The following ADAMTSL4 variants were observed in gnomAD, a reference collection of about 807,000 sequenced individuals.
The protein encoded by ADAMTSL4 is ADAMTS-like protein 4.
In ADAMTSL4, 97 loss-of-function variants were observed where a neutral mutation model predicts 122.8. The observed-to-expected ratio is 0.79, with a 90% CI of 0.67 to 0.93. The LOEUF is 0.93. ADAMTSL4 is among the 40% of genes least tolerant of loss of function. The pLI, the probability that ADAMTSL4 is intolerant of heterozygous loss-of-function variation, is 0.00. For missense variants in ADAMTSL4, 1,408 were observed against 1,453.5 expected (o/e 0.97, Z 0.51); for synonymous variants, 592 against 568.0 (o/e 1.04, Z -0.60).
chr1:150,554,270 G>T lies in ADAMTSL4; in HGVS notation c.1132-95G>T. 1 of 1,454,366 alleles carries T rather than the reference G, an allele frequency of 6.9e-7. No individual in the cohort carries two copies. 90.1% of individuals were successfully genotyped at this position (1,454,366 alleles called of 1,614,324 possible). A position where few individuals can be genotyped will look rare whatever the true frequency, so the allele number is the denominator to read the frequency against. On this transcript the variant is annotated intron_variant, in intron 6 of 18. Transcript: ENST00000271643. The surrounding 1 kb of genome is among the most constrained non-coding windows in gnomAD (Gnocchi z 4.0). ...AGGGCAGGGGTCTTGGAGCTCTTCCGCTGACCTGAGCCTCCCACCTGCTCC... is the reference window on the plus strand; with the variant it reads ...AGGGCAGGGGTCTTGGAGCTCTTCCTCTGACCTGAGCCTCCCACCTGCTCC...
chr1:150,558,215 T>G (rs1672403605), intron 14 of ADAMTSL4, 66 bp downstream of exon 14: 2 of 1,600,552 alleles, frequency 1.2e-6, no homozygotes, highest in African/African-American at 1.3e-5. Flanking sequence ...CAGCAGTGGT[T>G]TTTCAACTTC....
rs769517788 is a variant in ADAMTSL4, at chr1:150,559,495, T to G, written c.2943+29T>G. On this transcript the variant is annotated intron_variant, in intron 17 of 18. Transcript: ENST00000271643. The surrounding 1 kb of genome is among the most constrained non-coding windows in gnomAD (Gnocchi z 4.1). ...AGTGTCTGGCTGCGCTGTCCTGCCC[T>G]GCTCAGCCTGGGCCCCTAGGGGAGG... 1.4e-5 allele frequency: 23 copies of G among 1,611,514 alleles called. No individual in the cohort carries two copies. The highest frequency in any genetic ancestry group is 1.8e-5 in the Non-Finnish European group (21 of 1,179,650).
rs775230680 is a variant in ADAMTSL4, at chr1:150,556,244, G to A, written c.1454G>A (p.Arg485His). The part of the protein sequence containing the change: ...GVCGGDDSTC[R>H]LVSGNLTDRG... Reference sequence around the variant, plus strand: ...TGTGGGGGTGATGATTCTACCTGTCGCCTTGTTTCGGGGAACCTCACTGAC... The same window carrying A: ...TGTGGGGGTGATGATTCTACCTGTCACCTTGTTTCGGGGAACCTCACTGAC... Residue 485 changes from arginine to histidine, a missense_variant, in exon 9 of 19, where the codon CGC becomes CAC. By Grantham distance (29) the Arg-to-His change is conservative. Coordinates refer to ENST00000271643, the MANE Select transcript of ADAMTSL4 (RefSeq NM_019032.6). This position sits in a 1 kb window ranked among gnomAD's most constrained non-coding sequence, Gnocchi z 4.1. The A allele has an allele frequency of 1.7e-5, 27 of 1,614,024 alleles. No individual in the cohort carries two copies. In the East Asian group the frequency reaches 2.2e-4, roughly 13 times the overall value.
intron 2 of ADAMTSL4, chr1:150,551,287 C>A: frequency 2.9e-6 from 1 of 343,030 alleles, no homozygotes; most frequent in Non-Finnish European, 5.8e-6. Flanking sequence ...ATGCTGGCAC[C>A]CAGAGTGGGT....
rs887288125 is a variant in ADAMTSL4 at position 150,560,295 on chromosome 1, C to T, written c.*99C>T. ...CTGGCTCTCCAGCCTGTCCCAGTCT[C>T]AGCAGGGATGTCCTCCAGGTGACAG... is the stretch of plus-strand genomic sequence containing the variant. On this transcript the variant is annotated 3_prime_UTR_variant, in exon 19 of 19. Transcript: ENST00000271643. 3 of 1,535,612 alleles carry T rather than the reference C, an allele frequency of 2.0e-6. No homozygotes were observed. Among genetic ancestry groups the T allele is most frequent in the Non-Finnish European group, 2.6e-6 (3 of 1,134,068 alleles).
chr1:150,559,204 A>T lies in ADAMTSL4; in HGVS notation c.2763+39A>T. 1.2e-6 allele frequency: 2 copies of T among 1,612,118 alleles called. No individual in the cohort carries two copies. The highest frequency in any genetic ancestry group is 1.7e-6 in the Non-Finnish European group (2 of 1,179,226). On this transcript the variant is annotated intron_variant, in intron 16 of 18. Transcript: ENST00000271643. The surrounding 1 kb of genome is among the most constrained non-coding windows in gnomAD (Gnocchi z 4.1). ...CTGCTGAGAGCAGGAAGGGGGTGCC[A>T]GTCCCAGTGGGATTCCTTGTGGGCA...
chr1:150,555,489 G>A lies in ADAMTSL4; in HGVS notation c.1295G>A (p.Arg432His), dbSNP rs770866492. The A allele has an allele frequency of 8.1e-6, 13 of 1,614,020 alleles. No homozygotes were observed. The highest frequency in any genetic ancestry group is 4.5e-5 in the East Asian group (2 of 44,892). ...CRPRGFRFYVRHTEKVQDGTL... is the reference protein window; with the variant it reads ...CRPRGFRFYVHHTEKVQDGTL... ...CCCCGTGGCTTCCGCTTCTATGTCC[G>A]TCACACTGAAAAGGTCCAGGATGGG... Residue 432 changes from arginine (R) to histidine (H), a missense_variant, in exon 8 of 19, where the codon CGT becomes CAT. Physicochemically the swap from Arg to His is conservative, Grantham distance 29. Transcript: ENST00000271643.
intron 8 of ADAMTSL4, 116 bp downstream of exon 8, chr1:150,555,681 A>C: frequency 6.9e-7 from 1 of 1,440,696 alleles, no homozygotes; most frequent in Admixed American, 2.1e-5. Context: ...ATGCAAGCAC[A>C]TACACACACG....
At position 150,560,617 on chromosome 1, in the gene ADAMTSL4, T is replaced by C; in HGVS notation, c.*421T>C. On this transcript the variant is annotated 3_prime_UTR_variant, in exon 19 of 19. Transcript: ENST00000271643. ...CCAGTTTTGTGCCCTAAGCCTCATT[T>C]CTCATGTTCAGACCTCACATCTTCT... 1 of 242,758 alleles carries C rather than the reference T, an allele frequency of 4.1e-6. No individual in the cohort carries two copies. The highest frequency in any genetic ancestry group is 8.3e-6 in the Non-Finnish European group (1 of 120,772). 15.0% of individuals were successfully genotyped at this position (242,758 alleles called of 1,614,324 possible).
At position 150,559,667 on chromosome 1, in the gene ADAMTSL4, C is replaced by T; in HGVS notation, c.2944-94C>T. 3 of 1,602,668 alleles carry T rather than the reference C, an allele frequency of 1.9e-6. No individual in the cohort carries two copies. Among genetic ancestry groups the T allele is most frequent in the Non-Finnish European group, 2.6e-6 (3 of 1,174,342 alleles). ...TTTCACAATGTCCTAGGAGGGTCCC[C>T]ACCACCACCTTTTGGGGAGAGAGGT... On this transcript the variant is annotated intron_variant, in intron 17 of 18. Coordinates refer to ENST00000271643, the MANE Select transcript of ADAMTSL4 (RefSeq NM_019032.6). The surrounding 1 kb of genome is among the most constrained non-coding windows in gnomAD (Gnocchi z 4.1).
chr1:150,558,974 T>TGTGGGAC lies in ADAMTSL4; in HGVS notation c.2574_2580dup (p.Gly861TrpfsTer41). 6.2e-7 allele frequency: 1 copy of TGTGGGAC among 1,609,042 alleles called. No individual in the cohort carries two copies. ...TCCTCCTCCGCAGTGCTCAGCCGAGTGTGGGACGGGAATCCAGCGGCGCTC... is the reference window on the plus strand; with the variant it reads ...TCCTCCTCCGCAGTGCTCAGCCGAGTGTGGGACGTGGGACGGGAATCCAGCGGCGCTC... On this transcript the variant is annotated frameshift_variant, in exon 16 of 19. Coordinates refer to ENST00000271643, the MANE Select transcript of ADAMTSL4 (RefSeq NM_019032.6). LOFTEE classifies it high-confidence loss of function.
In ADAMTSL4 at chr1:150,558,002, C is replaced by G; in HGVS notation, c.2235C>G (p.His745Gln). 3 of 1,612,248 alleles carry G rather than the reference C, an allele frequency of 1.9e-6. No homozygotes were observed. Among genetic ancestry groups the G allele is most frequent in the Middle Eastern group, 3.4e-4 (2 of 5,932 alleles). ...GCTCCTGTGGCCCCGGCACCCAGCA[C>G]CGCCAGCTGCAGTGCCGGCAGGAAT... ...CSRSCGPGTQ[H>Q]RQLQCRQEFG... Residue 745 changes from histidine to glutamine, a missense_variant, in exon 14 of 19, where the codon CAC becomes CAG. His to Gln is a conservative substitution (Grantham distance 24). Transcript: ENST00000271643.
At position 150,559,071 on chromosome 1, in the gene ADAMTSL4, G is replaced by A. The variant is rs1672519066; in HGVS notation, c.2669G>A (p.Ser890Asn). 6.2e-7 allele frequency: 1 copy of A among 1,612,616 alleles called. No individual in the cohort carries two copies. The highest frequency in any genetic ancestry group is 1.3e-5 in the African/African-American group (1 of 74,940). Reference protein sequence around the residue: ...QGEAGAGTGQSCPTGSRPPDM... With the variant: ...QGEAGAGTGQNCPTGSRPPDM... ...GAAGCAGGAGCAGGAACTGGGCAGA[G>A]CTGTCCAACAGGAAGCCGGCCCCCT... The change falls in exon 16 of 19, where the codon AGC becomes AAC. Residue 890 changes from serine (S) to asparagine (N), a missense_variant. Ser to Asn is a conservative substitution (Grantham distance 46). Transcript: ENST00000271643. This position sits in a 1 kb window ranked among gnomAD's most constrained non-coding sequence, Gnocchi z 4.1.
At position 150,560,521 on chromosome 1, in the gene ADAMTSL4, G is replaced by A; in HGVS notation, c.*325G>A. ...GACCTGTTTCCTTGAGACTTTCCTA[G>A]GTGGAAAGGAAAGCAAGTCTGCAGT... On this transcript the variant is annotated 3_prime_UTR_variant, in exon 19 of 19. Coordinates refer to ENST00000271643, the MANE Select transcript of ADAMTSL4 (RefSeq NM_019032.6). The A allele has an allele frequency of 5.0e-6, 2 of 400,210 alleles. No homozygotes were observed. The highest frequency in any genetic ancestry group is 2.8e-5 in the South Asian group (1 of 36,006). 24.8% of individuals were successfully genotyped at this position (400,210 alleles called of 1,614,324 possible). A position where few individuals can be genotyped will look rare whatever the true frequency, so the allele number is the denominator to read the frequency against.
At position 150,552,465 on chromosome 1, in the gene ADAMTSL4, G is replaced by A. The variant is rs587769505; in HGVS notation, c.21-78G>A. The A allele has an allele frequency of 1.9e-5, 30 of 1,601,088 alleles. No homozygotes were observed. The highest frequency in any genetic ancestry group is 2.7e-5 in the African/African-American group (2 of 74,750). On this transcript the variant is annotated intron_variant, in intron 3 of 18. Coordinates refer to ENST00000271643, the MANE Select transcript of ADAMTSL4 (RefSeq NM_019032.6). This position sits in a 1 kb window ranked among gnomAD's most constrained non-coding sequence, Gnocchi z 4.0. Reference sequence around the variant, plus strand: ...AGTTGGTAGTCAGGATATGGGAGCCGGCTGGGGGCGGAGGGCAGTGTTGCA... The same window carrying A: ...AGTTGGTAGTCAGGATATGGGAGCCAGCTGGGGGCGGAGGGCAGTGTTGCA...
chr1:150,558,822 T>C, intron 15 of ADAMTSL4, 140 bp from the exon 16 acceptor site: 1 of 1,539,780 alleles, frequency 6.5e-7, no homozygotes, highest in Non-Finnish European at 8.7e-7. Flanking sequence ...CGGCTAGGAT[T>C]CCTCGTCCGG....
Position 150,554,648 on chromosome 1 carries a change from A to T in ADAMTSL4, c.1234+181A>T. 6 of 1,539,880 alleles carry T rather than the reference A, an allele frequency of 3.9e-6. No individual in the cohort carries two copies. Among genetic ancestry groups the T allele is most frequent in the Non-Finnish European group, 4.4e-6 (5 of 1,146,822 alleles). ...ACAGCACAGGTGGTGAGTGGTCTGC[A>T]GAAGGGTCGGGGTGGGAGGAGGAGG... On this transcript the variant is annotated intron_variant, in intron 7 of 18. Coordinates refer to ENST00000271643, the MANE Select transcript of ADAMTSL4 (RefSeq NM_019032.6). This position sits in a 1 kb window ranked among gnomAD's most constrained non-coding sequence, Gnocchi z 4.0.
chr1:150,556,560 T>C lies in ADAMTSL4; in HGVS notation c.1577-61T>C, dbSNP rs1560296005. On this transcript the variant is annotated intron_variant, in intron 9 of 18. Transcript: ENST00000271643. This position sits in a 1 kb window ranked among gnomAD's most constrained non-coding sequence, Gnocchi z 4.1. Reference sequence around the variant, plus strand: ...GAGCTTCTATAGGCTAAGGACACGGTGTGGGAGGAGGAAGGTATTATCACC... The same window carrying C: ...GAGCTTCTATAGGCTAAGGACACGGCGTGGGAGGAGGAAGGTATTATCACC... The C allele has an allele frequency of 5.6e-6, 9 of 1,607,092 alleles. No individual in the cohort carries two copies. In the Admixed American group the frequency reaches 1.0e-4, roughly 18 times the overall value.
chr1:150,559,368 T>A lies in ADAMTSL4; in HGVS notation c.2845T>A (p.Ser949Thr), dbSNP rs769084612. 1 of 1,613,854 alleles carries A rather than the reference T, an allele frequency of 6.2e-7. No individual in the cohort carries two copies. Among genetic ancestry groups the A allele is most frequent in the Non-Finnish European group, 8.5e-7 (1 of 1,179,990 alleles). The change falls in exon 17 of 19, where the codon TCT becomes ACT. Residue 949 changes from serine to threonine, a missense_variant. By Grantham distance (58) the Ser-to-Thr change is moderately conservative (BLOSUM62 1). Coordinates refer to ENST00000271643, the MANE Select transcript of ADAMTSL4 (RefSeq NM_019032.6). The surrounding 1 kb of genome is among the most constrained non-coding windows in gnomAD (Gnocchi z 4.1). The stretch of plus-strand genomic sequence containing the variant: ...ACTGGGGACGGAGTTCAACGTGACT[T>A]CTCCGAGCAACTGTTCTCACCTCCC... ...SKLGTEFNVTSPSNCSHLPRP... is the reference protein window; with the variant it reads ...SKLGTEFNVTTPSNCSHLPRP...
Sources: allele counts gnomAD v4.1 joint callset, GRCh38; gene constraint gnomAD v4.1.1; non-coding constraint Gnocchi (gnomAD v3.1); transcripts MANE v1.5; gene names NCBI Gene and HGNC (gene_info 2026-07-23, HGNC 2026-07-21).